Variants in ANKRD17 observed in about 807,000 individuals in gnomAD.
The protein encoded by ANKRD17 is ankyrin repeat domain-containing protein 17.
ANKRD17 carries 19 observed loss-of-function variants against 229.7 expected under a neutral mutation model. The ratio of observed to expected loss-of-function variants is 0.08; its 90% CI spans 0.06 to 0.12. ANKRD17 has a LOEUF of 0.12. Ranked by LOEUF, ANKRD17 falls within the 10% of genes least tolerant of loss-of-function variation. The probability of loss-of-function intolerance (pLI) is 1.00; values close to 1 mark genes in which losing one functional copy is unlikely to be tolerated. For synonymous variants in ANKRD17, 1,112 were observed against 1,146.1 expected (o/e 0.97, Z 0.60); for missense variants, 2,176 against 3,176.8 (o/e 0.68, Z 7.57).
rs766995925 is a variant in ANKRD17, at chr4:73,214,847, TAAAAAAAAA to T, written c.394-37323_394-37315del. Among the ~76,000 whole-genome samples the T allele has an allele frequency of 5.8e-5, 5 of 85,596 alleles. No homozygotes were observed. The South Asian group carries it at 1.9e-3, about 32-fold the overall frequency. The allele number at this position is 85,596 out of a possible 152,430, so 56.2% of individuals were successfully genotyped here. On this transcript the variant is annotated intron_variant, in intron 1 of 33. Coordinates refer to ENST00000358602, the MANE Select transcript of ANKRD17 (RefSeq NM_032217.5). ...CAACAGAGTGAGATTTCGTCTCTAT[TAAAAAAAAA>T]AAAAAAAAAAAAGCAAGAAAGAAAA...
At position 73,161,245 on chromosome 4, in the gene ANKRD17, A is replaced by G. The variant is rs369461001; in HGVS notation, c.651T>C (p.Ala217=). The G allele has an allele frequency of 4.3e-6, 7 of 1,614,110 alleles. No individual in the cohort carries two copies. The Admixed American group carries it at 1.0e-4, about 23-fold the overall frequency. The part of the protein sequence containing the change: ...SVSCALDEAA[A]ALTRMRAEST... ...TTTCAGCTCTCATACGGGTAAGTGC[A>G]GCAGCAGCTTCATCCAACGCACAAC... Residue 217 remains alanine (A), a synonymous_variant, in exon 3 of 34, where the codon GCT becomes GCC. Coordinates refer to ENST00000358602, the MANE Select transcript of ANKRD17 (RefSeq NM_032217.5).
At chr4:73,171,352 G>C (rs549849503) in intron 2 of ANKRD17, among the ~76,000 whole-genome samples, 1 of 152,144 alleles carries the variant, frequency 6.6e-6, no homozygotes, top group Non-Finnish European at 1.5e-5. Context: ...AAATCATAGC[G>C]ATACTGGGAT....
intron 1 of ANKRD17, among the ~76,000 whole-genome samples, chr4:73,178,079 C>A (rs1361729065): frequency 6.6e-6 from 1 of 152,122 alleles, no homozygotes; most frequent in African/African-American, 2.4e-5. Flanking sequence ...CAAGCCTAGG[C>A]AAACAAGTTC....
rs575181042 is a variant in ANKRD17 at position 73,129,920 on chromosome 4, G to A, written c.3235-4608C>T. Among the ~76,000 whole-genome samples the A allele has an allele frequency of 5.2e-4, 79 of 151,704 alleles. 1 individual carries two copies. In the South Asian group the frequency reaches 0.015, roughly 30 times the overall value. On this transcript the variant is annotated intron_variant, in intron 16 of 33. Transcript: ENST00000358602. ...TGGGACTACAGGTGCCTGCCACCAC[G>A]CCTGGCTAATTTTTTTTTGTATTTT... is the stretch of plus-strand genomic sequence containing the variant.
intron 1 of ANKRD17, among the ~76,000 whole-genome samples, chr4:73,241,071 A>G (rs1743987074): frequency 6.6e-6 from 1 of 152,052 alleles, no homozygotes; most frequent in Non-Finnish European, 1.5e-5. Context: ...TCGGCTTCCC[A>G]AAGTGCTAGG....
At chr4:73,102,040 C>T (rs1724067585) in intron 25 of ANKRD17, among the ~76,000 whole-genome samples, 2 of 152,022 alleles carry the variant, frequency 1.3e-5, no homozygotes, top group South Asian at 4.2e-4. Flanking sequence ...TGAAGTGATC[C>T]TCCCACCTTA....
In ANKRD17 at chr4:73,148,947, C is replaced by T. The variant is rs1285801520; in HGVS notation, c.1433G>A (p.Gly478Glu). 6.2e-7 allele frequency: 1 copy of T among 1,613,316 alleles called. No homozygotes were observed. The change falls in exon 8 of 34, where the codon GGG (glycine) becomes GAG (glutamate). Residue 478 changes from glycine (G) to glutamate (E), a missense_variant. Physicochemically the swap from Gly to Glu is moderately conservative, Grantham distance 98. Coordinates refer to ENST00000358602, the MANE Select transcript of ANKRD17 (RefSeq NM_032217.5). ...AAGTAAAGCCGCAAGTTCCACATGC[C>T]CACCACATGCAGCCAAAGTTAATGG... is the stretch of plus-strand genomic sequence containing the variant. ...ESPLTLAACG[G>E]HVELAALLIE...
chr4:73,214,249 A>C (rs1740703097), intron 1 of ANKRD17, among the ~76,000 whole-genome samples: 1 of 152,218 alleles, frequency 6.6e-6, no homozygotes, highest in Non-Finnish European at 1.5e-5. Flanking sequence ...AGACTGGAGA[A>C]GTTGGTACTA....
chr4:73,242,963 AAAG>A lies in ANKRD17; in HGVS notation c.393+15310_393+15312del, dbSNP rs562292766. 1.6e-4 allele frequency among the ~76,000 whole-genome samples: 25 copies of A among 152,336 alleles called. No individual in the cohort carries two copies. In the East Asian group the frequency reaches 4.6e-3, roughly 28 times the overall value. On this transcript the variant is annotated intron_variant, in intron 1 of 33. Transcript: ENST00000358602. Reference sequence around the variant, plus strand: ...AAGGCAAAAAACTAAAAGGGAGGTAAAAGAAGAAGTGGTGTAAGGGGAGAAAGT... The same window carrying A: ...AAGGCAAAAAACTAAAAGGGAGGTAAAAGAAGTGGTGTAAGGGGAGAAAGT...
At chr4:73,137,692 CTA>C (rs1270058040) in intron 15 of ANKRD17, among the ~76,000 whole-genome samples, 1 of 152,024 alleles carries the variant, frequency 6.6e-6, no homozygotes, top group Non-Finnish European at 1.5e-5. Flanking sequence ...CTCCTTCTGG[CTA>C]TGTTTCTCTC....
chr4:73,141,804 G>A lies in ANKRD17; in HGVS notation c.2269C>T (p.Pro757Ser). 6.2e-7 allele frequency: 1 copy of A among 1,613,922 alleles called. No individual in the cohort carries two copies. Among genetic ancestry groups the A allele is most frequent in the Non-Finnish European group, 8.5e-7 (1 of 1,179,948 alleles). Residue 757 changes from proline (P) to serine (S), a missense_variant, in exon 14 of 34, where the codon CCA becomes TCA. Coordinates refer to ENST00000358602, the MANE Select transcript of ANKRD17 (RefSeq NM_032217.5). ...VPVQALPMVVPPQEPDKPPAN... is the reference protein window; with the variant it reads ...VPVQALPMVVSPQEPDKPPAN... The stretch of plus-strand genomic sequence containing the variant: ...GGTGGTTTGTCAGGCTCCTGAGGTG[G>A]AACAACCATGGGCAGTGCTTGAACT...
intron 2 of ANKRD17, among the ~76,000 whole-genome samples, chr4:73,174,154 C>A (rs1295319575): frequency 1.8e-5 from 2 of 108,878 alleles, no homozygotes; most frequent in Non-Finnish European, 2.2e-5. Context: ...AACTACAGAT[C>A]CCTGATGAAC....
intron 2 of ANKRD17, among the ~76,000 whole-genome samples, chr4:73,164,135 T>C (rs1297452932): frequency 6.6e-6 from 1 of 152,196 alleles, no homozygotes; most frequent in East Asian, 1.9e-4. Context: ...AAGGCACTAT[T>C]GAGATCAACA....
chr4:73,114,386 T>C (rs1725679425), intron 23 of ANKRD17, among the ~76,000 whole-genome samples: 1 of 152,228 alleles, frequency 6.6e-6, no homozygotes, highest in South Asian at 2.1e-4. Flanking sequence ...ATTTTCTCAG[T>C]GATTTCATTC....
chr4:73,241,662 C>A (rs1208762538), intron 1 of ANKRD17, among the ~76,000 whole-genome samples: 1 of 152,000 alleles, frequency 6.6e-6, no homozygotes, highest in Non-Finnish European at 1.5e-5. Context: ...AAAGGATGCA[C>A]ATAAACTGAA....
chr4:73,189,977 A>G (rs1736832453), intron 1 of ANKRD17, among the ~76,000 whole-genome samples: 5 of 152,222 alleles, frequency 3.3e-5, no homozygotes, highest in Admixed American at 2.6e-4. Flanking sequence ...ACAGGTAAAA[A>G]AGAATATGTA....
chr4:73,101,085 G>A (rs1723923525), intron 25 of ANKRD17: 2 of 851,448 alleles, frequency 2.3e-6, no homozygotes, highest in Non-Finnish European at 2.8e-6. Flanking sequence ...GGGAGAATGT[G>A]CATAATTTTT....
intron 1 of ANKRD17, among the ~76,000 whole-genome samples, chr4:73,219,026 C>A (rs1741496580): frequency 6.6e-6 from 1 of 152,178 alleles, no homozygotes; most frequent in Non-Finnish European, 1.5e-5. Context: ...AGAGTCACTG[C>A]ACTCCAGCCT....
At chr4:73,204,487 A>G (rs556808008) in intron 1 of ANKRD17, among the ~76,000 whole-genome samples, 14 of 152,248 alleles carry the variant, frequency 9.2e-5, no homozygotes, top group Middle Eastern at 3.4e-3. Flanking sequence ...ACAAAATCTG[A>G]AGGAATTTGT....
Sources: gnomAD v4.1 joint callset for allele counts (sites outside exome capture counted in the v4.1 genomes callset) on GRCh38, gnomAD v4.1.1 for gene constraint, MANE v1.5 for transcripts, NCBI Gene and HGNC (gene_info 2026-07-23, HGNC 2026-07-21) for gene names.